Variants in NEB observed in about 807,000 individuals in gnomAD.
NEB encodes the protein nebulin.
NEB carries 512 observed loss-of-function variants against 952.2 expected under a neutral mutation model. The ratio of observed to expected loss-of-function variants is 0.54; its 90% CI spans 0.50 to 0.58. The LOEUF (loss-of-function observed/expected upper bound fraction) is 0.58. NEB is among the 20% of genes least tolerant of loss of function. NEB has a pLI of 0.00. For missense variants in NEB, 8,428 were observed against 9,231.1 expected, an observed-to-expected ratio of 0.91 and a Z score of 3.56; for synonymous variants, 2,900 against 3,149.8, an observed-to-expected ratio of 0.92 and a Z score of 2.66.
intron 27 of NEB, among the ~76,000 whole-genome samples, chr2:151,685,659 G>A (rs945781001): frequency 3.9e-5 from 6 of 152,176 alleles, no homozygotes; most frequent in Non-Finnish European, 5.9e-5. Context: ...CAAATGTCCT[G>A]GCTGGGCCTC....
At position 151,631,170 on chromosome 2, in the gene NEB, G is replaced by A. The variant is rs1452295483; in HGVS notation, c.9591C>T (p.Ala3197=). The stretch of plus-strand genomic sequence containing the variant: ...TATTCATGTTGAGAGCATTGTTCTT[G>A]GCCAGCACCTGCTCTAGAGAATCAG... The part of the protein sequence containing the change: ...SVTDSLEQVL[A]KNNALNMNKR... Residue 3197 remains alanine, a synonymous_variant, in exon 66 of 182, where the codon GCC becomes GCT. Transcript: ENST00000397345. 1.9e-6 allele frequency: 3 copies of A among 1,613,938 alleles called. No homozygotes were observed. The East Asian group carries it at 6.7e-5, about 36-fold the overall frequency.
intron 159 of NEB, among the ~76,000 whole-genome samples, 191 bp downstream of exon 159, chr2:151,514,127 A>G (rs2076290490): frequency 6.6e-6 from 1 of 152,260 alleles, no homozygotes; most frequent in Non-Finnish European, 1.5e-5. Flanking sequence ...ACACACTGTT[A>G]CAATATCCAT....
At chr2:151,570,012 G>T in intron 109 of NEB, 69 bp downstream of exon 109, 1 of 1,415,962 alleles carries the variant, frequency 7.1e-7, no homozygotes, top group Non-Finnish European at 9.7e-7. Flanking sequence ...GAAGGGGTTA[G>T]TGTCATAAAC....
At chr2:151,550,390 T>C (rs1203937728) in intron 129 of NEB, among the ~76,000 whole-genome samples, 2 of 151,698 alleles carry the variant, frequency 1.3e-5, no homozygotes, top group Admixed American at 1.3e-4. Flanking sequence ...AAGTTTCACC[T>C]CTGCCATTAC....
chr2:151,646,087 A>G (rs778948747), intron 55 of NEB, 43 bp downstream of exon 55: 2 of 1,412,176 alleles, frequency 1.4e-6, no homozygotes, highest in African/African-American at 2.9e-5. Context: ...AGAAACAATT[A>G]AAATGAGCTT....
intron 161 of NEB, among the ~76,000 whole-genome samples, chr2:151,508,846 T>G (rs1195843463): frequency 1.3e-5 from 2 of 152,258 alleles, no homozygotes; most frequent in Non-Finnish European, 2.9e-5. Flanking sequence ...TAGAGGCTGC[T>G]CTTCCAGACA....
chr2:151,502,756 T>C (rs1319368920), intron 167 of NEB, 37 bp downstream of exon 167: 1 of 1,142,404 alleles, frequency 8.8e-7, no homozygotes, highest in East Asian at 2.4e-5. Context: ...TAAATAAAAT[T>C]AAGGGATTTT....
At chr2:151,568,944 A>C (rs2096532720) in intron 110 of NEB, among the ~76,000 whole-genome samples, 1 of 152,198 alleles carries the variant, frequency 6.6e-6, no homozygotes, top group Admixed American at 6.5e-5. Context: ...TTAGCTCTCA[A>C]AGTTATATAA....
intron 113 of NEB, 24 bp downstream of exon 113, chr2:151,568,047 T>G: frequency 1.3e-6 from 2 of 1,587,530 alleles, no homozygotes; most frequent in African/African-American, 1.3e-5. Flanking sequence ...TTTTGCAAAA[T>G]GCACTCCCAT....
chr2:151,555,039 T>G lies in NEB; in HGVS notation c.19320A>C (p.Lys6440Asn). Residue 6440 changes from lysine (K) to asparagine (N), a missense_variant, in exon 125 of 182, where the codon AAA becomes AAC. Physicochemically the swap from Lys to Asn is moderately conservative, Grantham distance 94 (BLOSUM62 0). Coordinates refer to ENST00000397345, the MANE Select transcript of NEB (RefSeq NM_001164508.2). Reference protein sequence around the residue: ...KNQKHLASHIKYREEYEKFKA... With the variant: ...KNQKHLASHINYREEYEKFKA... The stretch of plus-strand genomic sequence containing the variant: ...TGAACTTTTCATATTCTTCCCGATA[T>G]TTGATCTATAGAGAATAAGTAGAAA... 6.3e-7 allele frequency: 1 copy of G among 1,588,118 alleles called. No individual in the cohort carries two copies. The highest frequency in any genetic ancestry group is 8.6e-7 in the Non-Finnish European group (1 of 1,156,496).
chr2:151,560,977 A>G (rs770699762), intron 123 of NEB, 27 bp downstream of exon 123: 4 of 1,420,470 alleles, frequency 2.8e-6, no homozygotes, highest in Non-Finnish European at 3.9e-6. Context: ...TGGCTCATAT[A>G]TAAGGGGGAA....
At chr2:151,521,269 C>T (rs1282051101) in intron 153 of NEB, among the ~76,000 whole-genome samples, 1 of 152,104 alleles carries the variant, frequency 6.6e-6, no homozygotes, top group Non-Finnish European at 1.5e-5. Flanking sequence ...TGAATAAATC[C>T]TCAGTGGAAA....
At chr2:151,682,621 C>G in intron 29 of NEB, 41 bp downstream of exon 29, 1 of 1,488,124 alleles carries the variant, frequency 6.7e-7, no homozygotes, top group Non-Finnish European at 9.3e-7. Flanking sequence ...TTTAACACAA[C>G]ACAGTCACCA....
At chr2:151,561,673 C>T (rs2096071886) in intron 121 of NEB, among the ~76,000 whole-genome samples, 1 of 149,976 alleles carries the variant, frequency 6.7e-6, no homozygotes, top group Non-Finnish European at 1.5e-5. Flanking sequence ...CATATGTATA[C>T]ATGCCCCTCA....
chr2:151,601,193 C>T (rs1379154573), intron 88 of NEB, among the ~76,000 whole-genome samples: 5 of 114,530 alleles, frequency 4.4e-5, no homozygotes, highest in Non-Finnish European at 8.6e-5. Flanking sequence ...CTTGCAATCT[C>T]CACCTCCTGG....
chr2:151,628,667 G>T (rs891810472), intron 68 of NEB, among the ~76,000 whole-genome samples: 1 of 151,830 alleles, frequency 6.6e-6, no homozygotes, highest in Non-Finnish European at 1.5e-5. Flanking sequence ...ATGGTGCAAC[G>T]CTGTCTCTAC....
In NEB at chr2:151,724,472, A is replaced by G. The variant is rs917367142; in HGVS notation, c.508-108T>C. The G allele has an allele frequency of 4.0e-5, 32 of 792,930 alleles. No homozygotes were observed. In the East Asian group the frequency reaches 4.3e-4, roughly 11 times the overall value. The allele number at this position is 792,930 out of a possible 1,614,324, so 49.1% of individuals were successfully genotyped here. On this transcript the variant is annotated intron_variant, in intron 7 of 181. Coordinates refer to ENST00000397345, the MANE Select transcript of NEB (RefSeq NM_001164508.2). ...AGGCATGCTTGCTCAGAGGTTGCCA[A>G]TGGGTTACTAGGAAAACATTGACCA...
At chr2:151,679,687 C>A in intron 32 of NEB, 34 bp downstream of exon 32, 4 of 344,000 alleles carry the variant, frequency 1.2e-5, no homozygotes, top group Admixed American at 3.6e-5. Flanking sequence ...CCCACATTTT[C>A]TAGTTGCCCA....
intron 121 of NEB, 29 bp from the exon 122 acceptor site, chr2:151,561,341 A>T (rs1293569866): frequency 6.7e-7 from 1 of 1,484,910 alleles, no homozygotes; most frequent in African/African-American, 1.4e-5. Flanking sequence ...GTCATCAAAA[A>T]TGGTAACATA....
Sources: gnomAD v4.1 joint callset for allele counts (sites outside exome capture counted in the v4.1 genomes callset) on GRCh38, gnomAD v4.1.1 for gene constraint, MANE v1.5 for transcripts, NCBI Gene and HGNC (gene_info 2026-07-23, HGNC 2026-07-21) for gene names.